Variants in MAGI2 observed in about 807,000 individuals in gnomAD.
MAGI2 encodes the protein membrane-associated guanylate kinase, WW and PDZ domain-containing protein 2.
In MAGI2, 35 loss-of-function variants were observed where a neutral mutation model predicts 133.3. The observed-to-expected ratio is 0.26, with a 90% CI of 0.20 to 0.35. MAGI2 has a LOEUF of 0.35. Ranked by LOEUF, MAGI2 falls within the 10% of genes least tolerant of loss-of-function variation. MAGI2 has a pLI of 1.00. For synonymous variants in MAGI2, 729 were observed against 710.6 expected, an observed-to-expected ratio of 1.03 and a Z score of -0.41; for missense variants, 1,636 against 1,863.4, an observed-to-expected ratio of 0.88 and a Z score of 2.25.
intron 3 of MAGI2, among the ~76,000 whole-genome samples, chr7:78,580,167 A>C (rs541845832): frequency 6.6e-6 from 1 of 152,340 alleles, no homozygotes; most frequent in African/African-American, 2.4e-5. Context: ...AAAATAAGGG[A>C]AATTATTTTT....
intron 1 of MAGI2, among the ~76,000 whole-genome samples, chr7:79,179,846 T>C (rs557557653): frequency 2.6e-5 from 4 of 152,024 alleles, no homozygotes; most frequent in African/African-American, 9.7e-5. Context: ...GTGAAATGCA[T>C]CAGGATATTG....
At chr7:78,454,910 G>C (rs1008064481) in intron 6 of MAGI2, among the ~76,000 whole-genome samples, 1 of 152,144 alleles carries the variant, frequency 6.6e-6, no homozygotes, top group Non-Finnish European at 1.5e-5. Flanking sequence ...GTTGGAAAGG[G>C]AGAAGGGATG....
At chr7:78,656,385 A>T (rs563659933) in intron 2 of MAGI2, among the ~76,000 whole-genome samples, 186 of 152,348 alleles carry the variant, frequency 1.2e-3, no homozygotes, top group African/African-American at 4.2e-3. Context: ...TTGCATTTGC[A>T]ACAACATGGA....
chr7:78,567,516 G>T (rs1281849319), intron 3 of MAGI2, among the ~76,000 whole-genome samples: 4 of 152,024 alleles, frequency 2.6e-5, no homozygotes, highest in African/African-American at 9.7e-5. Context: ...TACCCAGTAG[G>T]ATACATAGAT....
intron 1 of MAGI2, among the ~76,000 whole-genome samples, chr7:79,420,555 C>A (rs1846883792): frequency 6.6e-6 from 1 of 151,910 alleles, no homozygotes; most frequent in Admixed American, 6.6e-5. Context: ...AAGCACTGAG[C>A]ATTTCAGACC....
At chr7:78,114,257 A>G (rs1349759210) in intron 20 of MAGI2, among the ~76,000 whole-genome samples, 1 of 152,252 alleles carries the variant, frequency 6.6e-6, no homozygotes, top group Non-Finnish European at 1.5e-5. Flanking sequence ...AGAGCTGATC[A>G]GTGAAAGTAT....
At chr7:79,422,655 A>T (rs908815048) in intron 1 of MAGI2, among the ~76,000 whole-genome samples, 6 of 151,538 alleles carry the variant, frequency 4.0e-5, no homozygotes, top group Non-Finnish European at 7.4e-5. Flanking sequence ...TTTGTTTGGT[A>T]TTTTTTTTGT....
chr7:78,303,378 CA>C (rs11377993), intron 9 of MAGI2, among the ~76,000 whole-genome samples: 920 of 33,348 alleles, frequency 0.028, 2 homozygotes, highest in African/African-American at 0.055. Flanking sequence ...AAACTGTCTC[CA>C]AAAAAAAAAA....
intron 1 of MAGI2, among the ~76,000 whole-genome samples, chr7:79,434,189 T>C (rs1485800006): frequency 2.0e-5 from 3 of 151,686 alleles, no homozygotes; most frequent in African/African-American, 7.3e-5. Context: ...TTCTAAGGGG[T>C]CTTTTGATAG....
chr7:78,191,905 G>A (rs1340877721), intron 12 of MAGI2, among the ~76,000 whole-genome samples: 3 of 152,080 alleles, frequency 2.0e-5, no homozygotes. Context: ...GTCAAATGAG[G>A]CACGGCAGCA....
Position 78,491,703 on chromosome 7 carries a change from T to C in MAGI2, c.966-1863A>G, listed in dbSNP as rs79135998. Among the ~76,000 whole-genome samples, 375 of 152,202 alleles carry C rather than the reference T, an allele frequency of 2.5e-3. 3 individuals are homozygous for C. Among genetic ancestry groups the C allele is most frequent in the African/African-American group, 8.9e-3 (369 of 41,562 alleles). On this transcript the variant is annotated intron_variant, in intron 5 of 21. Transcript: ENST00000354212. ...CATCTGGTTCTGGCCCTCGTTTGCA[T>C]GTCAATATAAGCTAGCTTTTCTTCT...
At chr7:78,335,829 C>T (rs2151164199) in intron 9 of MAGI2, among the ~76,000 whole-genome samples, 1 of 152,226 alleles carries the variant, frequency 6.6e-6, no homozygotes, top group African/African-American at 2.4e-5. Flanking sequence ...ATTTATGGTA[C>T]ATTACTGGGC....
intron 10 of MAGI2, among the ~76,000 whole-genome samples, chr7:78,245,618 C>CA (rs1215926109): frequency 2.0e-5 from 3 of 152,242 alleles, no homozygotes; most frequent in South Asian, 4.1e-4. Context: ...CCCTGGCCTC[C>CA]ACCACCTCAC....
chr7:78,862,863 C>T (rs1009427171), intron 2 of MAGI2, among the ~76,000 whole-genome samples: 1 of 152,124 alleles, frequency 6.6e-6, no homozygotes, highest in African/African-American at 2.4e-5. Flanking sequence ...CTAGAAGATG[C>T]CTAGAATAAA....
At chr7:78,183,270 T>A (rs1200615198) in intron 13 of MAGI2, among the ~76,000 whole-genome samples, 1 of 144,264 alleles carries the variant, frequency 6.9e-6, no homozygotes, top group Non-Finnish European at 1.5e-5. Context: ...ATTTTTGTAT[T>A]TTTTTTTTTT....
chr7:78,549,959 G>A (rs2150699725), intron 3 of MAGI2, among the ~76,000 whole-genome samples: 1 of 152,242 alleles, frequency 6.6e-6, no homozygotes, highest in East Asian at 1.9e-4. Context: ...TAGGAGGTGA[G>A]GCCTTTGGGA....
chr7:78,813,561 G>T (rs1371233870), intron 2 of MAGI2, among the ~76,000 whole-genome samples: 3 of 152,008 alleles, frequency 2.0e-5, no homozygotes, highest in Non-Finnish European at 2.9e-5. Flanking sequence ...CGAGACGGGC[G>T]GATCACGAGG....
chr7:78,902,788 T>C (rs1403079071), intron 2 of MAGI2, among the ~76,000 whole-genome samples: 2 of 152,152 alleles, frequency 1.3e-5, no homozygotes, highest in African/African-American at 4.8e-5. Flanking sequence ...ATTGGACCCC[T>C]GTTGGTAGTT....
chr7:79,136,967 A>G (rs1264015100), intron 1 of MAGI2, among the ~76,000 whole-genome samples: 2 of 151,972 alleles, frequency 1.3e-5, no homozygotes, highest in Admixed American at 1.3e-4. Flanking sequence ...AAAATCTGTT[A>G]CTGTATTTAC....
Sources: allele counts gnomAD v4.1 joint callset (sites outside exome capture counted in the v4.1 genomes callset), GRCh38; gene constraint gnomAD v4.1.1; transcripts MANE v1.5; gene names NCBI Gene and HGNC (gene_info 2026-07-23, HGNC 2026-07-21).